GOLT1B: variants seen among roughly 807,000 people sequenced by gnomAD.
GOLT1B encodes the protein golgi transport 1B.
GOLT1B carries 3 observed loss-of-function variants against 15.4 expected under a neutral mutation model. That is an observed-to-expected ratio of 0.19 (90% CI 0.09 to 0.50). The LOEUF (loss-of-function observed/expected upper bound fraction) is 0.50. Among genes scored for constraint, GOLT1B ranks in the 20% least tolerant of loss-of-function variants. GOLT1B has a pLI of 0.97. For synonymous variants in GOLT1B, 65 were observed against 56.2 expected, an observed-to-expected ratio of 1.16 and a Z score of -0.70; for missense variants, 145 against 160.4, an observed-to-expected ratio of 0.90 and a Z score of 0.52.
rs1943694252 is a variant in GOLT1B, at chr12:21,508,370, C to T, written c.118-13C>T. On this transcript the variant is annotated splice_polypyrimidine_tract_variant and intron_variant, in intron 2 of 4. Transcript: ENST00000229314. ...AATTACCTTTTCCGTGTTGTATTTT[C>T]TTTCTCTTTTAGGTTTTATTTGTAG... is the stretch of plus-strand genomic sequence containing the variant. 1.3e-6 allele frequency: 2 copies of T among 1,484,060 alleles called. No homozygotes were observed. The highest frequency in any genetic ancestry group is 2.3e-5 in the East Asian group (1 of 42,970). The allele number at this position is 1,484,060 out of a possible 1,614,324, so 91.9% of individuals were successfully genotyped here. A position where few individuals can be genotyped will look rare whatever the true frequency, so the allele number is the denominator to read the frequency against.
chr12:21,510,685 T>G (rs12582538), intron 3 of GOLT1B, among the ~76,000 whole-genome samples: 54,994 of 152,062 alleles, frequency 0.36, 10,610 homozygotes, highest in East Asian at 0.46. Flanking sequence ...ATAAATGATC[T>G]TTTGAATTCA....
intron 1 of GOLT1B, among the ~76,000 whole-genome samples, chr12:21,502,880 A>G (rs1943646417): frequency 6.6e-6 from 1 of 152,182 alleles, no homozygotes; most frequent in South Asian, 2.1e-4. Context: ...TCAGATTTTC[A>G]ATATTTTAAG....
rs925634478 is a variant in GOLT1B, at chr12:21,517,498, C to T, written c.*1791C>T. ...GAACTCTGTTACACATATTTTTGAC[C>T]CATATTATTTACAATGTCTTGATAA... On this transcript the variant is annotated 3_prime_UTR_variant, in exon 5 of 5. Transcript: ENST00000229314. The T allele has an allele frequency of 6.6e-6, 1 of 152,032 alleles. No individual in the cohort carries two copies. The allele number at this position is 152,032 out of a possible 1,614,324, so 9.4% of individuals were successfully genotyped here.
intron 3 of GOLT1B, 65 bp downstream of exon 3, chr12:21,508,626 T>C: frequency 1.3e-6 from 1 of 792,284 alleles, no homozygotes; most frequent in Admixed American, 2.4e-5. Context: ...AAAACTCAGA[T>C]ATTTGCATCA....
intron 1 of GOLT1B, chr12:21,504,579 C>T (rs1440858470): frequency 2.0e-6 from 1 of 508,862 alleles, no homozygotes; most frequent in East Asian, 5.5e-5. Context: ...ACTTCACAGA[C>T]TGTTGTACCT....
chr12:21,513,758 C>G (rs1943736904), intron 4 of GOLT1B, among the ~76,000 whole-genome samples: 1 of 152,132 alleles, frequency 6.6e-6, no homozygotes, highest in African/African-American at 2.4e-5. Flanking sequence ...CTCACACCGC[C>G]ACACTATAGC....
At chr12:21,502,053 C>T (rs1416202428) in intron 1 of GOLT1B, 105 bp downstream of exon 1, 5 of 825,504 alleles carry the variant, frequency 6.1e-6, no homozygotes, top group Admixed American at 1.9e-5. Context: ...GGGTTGGGGG[C>T]GGTGGCCTGC....
rs1474178084 is a variant in GOLT1B, at chr12:21,516,808, T to A, written c.*1101T>A. 6.6e-6 allele frequency: 1 copy of A among 152,100 alleles called. No individual in the cohort carries two copies. Among genetic ancestry groups the A allele is most frequent in the African/African-American group, 2.4e-5 (1 of 41,452 alleles). 9.4% of individuals were successfully genotyped at this position (152,100 alleles called of 1,614,324 possible). On this transcript the variant is annotated 3_prime_UTR_variant, in exon 5 of 5. Coordinates refer to ENST00000229314, the MANE Select transcript of GOLT1B (RefSeq NM_016072.5). ...GTCATTAAGCATGACATATCCTTCA[T>A]ATGATCACTCATCTTGAGTTAATTA...
At chr12:21,508,156 G>A (rs1943692697) in intron 2 of GOLT1B, 3 of 512,190 alleles carry the variant, frequency 5.9e-6, no homozygotes, top group Non-Finnish European at 1.0e-5. Context: ...ATTTAATCAA[G>A]ATAGAAGAGG....
At chr12:21,512,184 A>G in intron 3 of GOLT1B, 111 bp from the exon 4 acceptor site, 1 of 661,820 alleles carries the variant, frequency 1.5e-6, no homozygotes, top group South Asian at 1.9e-5. Flanking sequence ...AAGTTTGAAG[A>G]CCCTCAATTA....
In GOLT1B at chr12:21,501,838, C is replaced by G; in HGVS notation, c.-86C>G. 4 of 927,194 alleles carry G rather than the reference C, an allele frequency of 4.3e-6. No individual in the cohort carries two copies. Among genetic ancestry groups the G allele is most frequent in the Non-Finnish European group, 7.0e-6 (4 of 567,442 alleles). 57.4% of individuals were successfully genotyped at this position (927,194 alleles called of 1,614,324 possible). On this transcript the variant is annotated 5_prime_UTR_variant, in exon 1 of 5. Coordinates refer to ENST00000229314, the MANE Select transcript of GOLT1B (RefSeq NM_016072.5). The stretch of plus-strand genomic sequence containing the variant: ...GAAGACGTGGCGGCTCTCGCCTGGG[C>G]TGTTTCCCGGCTTCATTTCTCCCGA...
chr12:21,504,006 T>C (rs1943660197), intron 1 of GOLT1B, among the ~76,000 whole-genome samples: 1 of 152,218 alleles, frequency 6.6e-6, no homozygotes, highest in African/African-American at 2.4e-5. Flanking sequence ...AATTGAATTC[T>C]TGCTTGACTT....
At chr12:21,509,396 C>CAAAAAAAAAAAAAAAAAAAAAAAAA (rs71053318) in intron 3 of GOLT1B, among the ~76,000 whole-genome samples, 3 of 74,040 alleles carry the variant, frequency 4.1e-5, no homozygotes, top group Non-Finnish European at 4.6e-5. Context: ...GACTCTGTCT[C>CAAAAAAAAAAAAAAAAAAAAAAAAA]AAAAAAAAAA....
At position 21,504,328 on chromosome 12, in the gene GOLT1B, C is replaced by T. The variant is rs938711611; in HGVS notation, c.25+2380C>T. Among the ~76,000 whole-genome samples, 6 of 151,964 alleles carry T rather than the reference C, an allele frequency of 3.9e-5. 1 individual carries two copies. The highest frequency in any genetic ancestry group is 4.1e-4 in the South Asian group (2 of 4,826). On this transcript the variant is annotated intron_variant, in intron 1 of 4. Transcript: ENST00000229314. ...TAGCCAGAGGGCTTATGAATGCATA[C>T]GGATAGGGAAAAGGGGGATCCTGGA...
At chr12:21,510,131 G>A (rs12312710) in intron 3 of GOLT1B, among the ~76,000 whole-genome samples, 42,126 of 152,072 alleles carry the variant, frequency 0.28, 7,242 homozygotes, top group African/African-American at 0.47. Context: ...TCAAGAGGCG[G>A]TTAATACAGT....
chr12:21,512,767 G>T (rs970858254), intron 4 of GOLT1B, among the ~76,000 whole-genome samples: 1 of 152,060 alleles, frequency 6.6e-6, no homozygotes. Flanking sequence ...ATCACCAATA[G>T]ACTAGATTCA....
chr12:21,502,861 C>T (rs570028321), intron 1 of GOLT1B, among the ~76,000 whole-genome samples: 2 of 152,278 alleles, frequency 1.3e-5, no homozygotes, highest in South Asian at 4.1e-4. Context: ...TCATTTCACT[C>T]CAGTTAACTC....
intron 1 of GOLT1B, among the ~76,000 whole-genome samples, chr12:21,505,596 C>T (rs996516304): frequency 2.0e-5 from 3 of 152,048 alleles, no homozygotes; most frequent in African/African-American, 7.2e-5. Context: ...GGAAATTGAG[C>T]AGGTGGGGAA....
chr12:21,513,552 A>G (rs781334452), intron 4 of GOLT1B, among the ~76,000 whole-genome samples: 29 of 151,974 alleles, frequency 1.9e-4, no homozygotes, highest in Non-Finnish European at 2.6e-4. Flanking sequence ...GGCTCAAGCA[A>G]TGCCCCCACC....
Sources: allele counts gnomAD v4.1 joint callset (sites outside exome capture counted in the v4.1 genomes callset), GRCh38; gene constraint gnomAD v4.1.1; transcripts MANE v1.5; gene names NCBI Gene and HGNC (gene_info 2026-07-23, HGNC 2026-07-21).